The following NBEA variants were observed in gnomAD, a reference collection of about 807,000 sequenced individuals.
NBEA encodes the protein lysosomal-trafficking regulator 2.
Under a neutral mutation model 343.4 loss-of-function variants are expected in NBEA, and 44 were observed. The ratio of observed to expected loss-of-function variants is 0.13; its 90% CI spans 0.10 to 0.16. The LOEUF (loss-of-function observed/expected upper bound fraction) is 0.16, where lower values mean the gene tolerates loss of function less well. NBEA is among the 10% of genes least tolerant of loss of function. NBEA has a pLI of 1.00. For missense variants in NBEA, 2,555 were observed against 3,631.3 expected, an observed-to-expected ratio of 0.70 and a Z score of 7.62; for synonymous variants, 1,175 against 1,238.7, an observed-to-expected ratio of 0.95 and a Z score of 1.08.
At chr13:35,086,025 A>G (rs1384872708) in intron 10 of NBEA, among the ~76,000 whole-genome samples, 1 of 152,128 alleles carries the variant, frequency 6.6e-6, no homozygotes, top group Non-Finnish European at 1.5e-5. Flanking sequence ...CTTGCAAGGG[A>G]CGTGAAGGAC....
intron 45 of NBEA, among the ~76,000 whole-genome samples, chr13:35,580,137 T>C (rs1185170366): frequency 6.6e-6 from 1 of 152,154 alleles, no homozygotes; most frequent in Non-Finnish European, 1.5e-5. Flanking sequence ...TTTTTCATTT[T>C]TGCATTTTTT....
At chr13:35,646,451 G>A (rs932250112) in intron 51 of NBEA, 103 bp downstream of exon 51, 8 of 819,786 alleles carry the variant, frequency 9.8e-6, no homozygotes, top group African/African-American at 3.4e-5. Context: ...AAGGCTTCTC[G>A]ATTTATTGGT....
intron 49 of NBEA, among the ~76,000 whole-genome samples, chr13:35,635,231 C>T (rs945899673): frequency 1.3e-5 from 2 of 152,076 alleles, no homozygotes; most frequent in Non-Finnish European, 2.9e-5. Context: ...TTCCTCCCCC[C>T]ATTTCTGATT....
intron 38 of NBEA, among the ~76,000 whole-genome samples, chr13:35,400,883 G>T (rs1045094820): frequency 6.6e-6 from 1 of 151,544 alleles, no homozygotes; most frequent in Non-Finnish European, 1.5e-5. Context: ...TGGTTTTTAG[G>T]CTCATTCTTT....
chr13:35,610,000 T>C (rs1246967543), intron 48 of NBEA, among the ~76,000 whole-genome samples: 1 of 152,166 alleles, frequency 6.6e-6, no homozygotes. Context: ...AATGCAGACA[T>C]AGGAAACAGT....
At chr13:35,578,628 C>G (rs982505312) in intron 45 of NBEA, among the ~76,000 whole-genome samples, 3 of 152,090 alleles carry the variant, frequency 2.0e-5, no homozygotes, top group Admixed American at 2.0e-4. Flanking sequence ...CCTTGCTGAC[C>G]TCAGATACTT....
intron 39 of NBEA, among the ~76,000 whole-genome samples, chr13:35,436,874 A>T (rs544769088): frequency 1.3e-5 from 2 of 152,358 alleles, no homozygotes; most frequent in East Asian, 3.9e-4. Context: ...AATGTCTAGA[A>T]GTATTTGAAT....
At chr13:35,652,304 C>T (rs563081716) in intron 53 of NBEA, among the ~76,000 whole-genome samples, 1 of 150,484 alleles carries the variant, frequency 6.6e-6, no homozygotes, top group Non-Finnish European at 1.5e-5. Flanking sequence ...TGTAACAAAC[C>T]TGCACATTGT....
intron 38 of NBEA, among the ~76,000 whole-genome samples, chr13:35,385,535 G>A (rs1299729957): frequency 6.6e-6 from 1 of 151,770 alleles, no homozygotes; most frequent in East Asian, 1.9e-4. Context: ...CCTTGTCTCT[G>A]CAAAAAATAA....
chr13:34,946,862 G>A (rs1009944918), intron 1 of NBEA, among the ~76,000 whole-genome samples: 1 of 104,622 alleles, frequency 9.6e-6, no homozygotes, highest in Non-Finnish European at 2.0e-5. Context: ...TTTTTTTTTT[G>A]TACTTGAATA....
At chr13:35,545,871 G>T (rs2079036482) in intron 41 of NBEA, among the ~76,000 whole-genome samples, 2 of 152,202 alleles carry the variant, frequency 1.3e-5, no homozygotes, top group Non-Finnish European at 2.9e-5. Flanking sequence ...CTTGATTAAA[G>T]TCAGCAGGGT....
chr13:35,061,066 G>A (rs865967903), intron 8 of NBEA, among the ~76,000 whole-genome samples: 1 of 151,100 alleles, frequency 6.6e-6, no homozygotes, highest in Non-Finnish European at 1.5e-5. Context: ...GTCAACATAC[G>A]GGCTTCGAAA....
At chr13:35,535,575 G>A (rs955797572) in intron 41 of NBEA, among the ~76,000 whole-genome samples, 11 of 152,062 alleles carry the variant, frequency 7.2e-5, no homozygotes, top group Non-Finnish European at 1.6e-4. Flanking sequence ...GAATTCATTT[G>A]TTCAACACAT....
chr13:35,499,427 C>T (rs978819670), intron 41 of NBEA, among the ~76,000 whole-genome samples: 1 of 152,080 alleles, frequency 6.6e-6, no homozygotes, highest in African/African-American at 2.4e-5. Flanking sequence ...GTGTTGATGC[C>T]TGCCTCTCTT....
At chr13:35,177,177 A>G (rs1036621343) in intron 28 of NBEA, 74 bp downstream of exon 28, 30 of 1,175,748 alleles carry the variant, frequency 2.6e-5, no homozygotes, top group Non-Finnish European at 3.6e-5. Context: ...TTTATAAGAA[A>G]GCTGCTTATG....
At chr13:35,404,897 C>T (rs1483660566) in intron 38 of NBEA, among the ~76,000 whole-genome samples, 4 of 151,750 alleles carry the variant, frequency 2.6e-5, no homozygotes, top group African/African-American at 4.8e-5. Context: ...ATTGCCAATT[C>T]GATAAGCATT....
At chr13:35,370,894 G>C (rs921931684) in intron 38 of NBEA, among the ~76,000 whole-genome samples, 15 of 118,410 alleles carry the variant, frequency 1.3e-4, no homozygotes, top group Non-Finnish European at 7.2e-5. Flanking sequence ...GCTGGGTAAA[G>C]TGTCCTCAGT....
chr13:35,251,148 T>C (rs1270121634), intron 34 of NBEA: 5 of 228,134 alleles, frequency 2.2e-5, no homozygotes, highest in South Asian at 7.5e-5. Flanking sequence ...GCTGTTTTCT[T>C]TGACTGATTC....
intron 33 of NBEA, among the ~76,000 whole-genome samples, chr13:35,221,482 G>A (rs2074368439): frequency 6.6e-6 from 1 of 151,748 alleles, no homozygotes; most frequent in African/African-American, 2.4e-5. Context: ...CTGTCATCTT[G>A]TGTTACTTTT....
Sources: allele counts gnomAD v4.1 joint callset (sites outside exome capture counted in the v4.1 genomes callset), GRCh38; gene constraint gnomAD v4.1.1; transcripts MANE v1.5; gene names NCBI Gene and HGNC (gene_info 2026-07-23, HGNC 2026-07-21).